Variants in TNS3 observed in about 807,000 individuals in gnomAD.
The protein encoded by TNS3 is tensin-3.
Under a neutral mutation model 140.9 loss-of-function variants are expected in TNS3, and 45 were observed. The ratio of observed to expected loss-of-function variants is 0.32; its 90% CI spans 0.25 to 0.41. The LOEUF (loss-of-function observed/expected upper bound fraction) is 0.41. Ranked by LOEUF, TNS3 falls within the 10% of genes least tolerant of loss-of-function variation. TNS3 has a pLI of 1.00. For synonymous variants in TNS3, 815 were observed against 788.4 expected (o/e 1.03, Z -0.56); for missense variants, 1,716 against 1,906.7 (o/e 0.90, Z 1.86).
intron 4 of TNS3, among the ~76,000 whole-genome samples, chr7:47,472,886 G>T (rs1314278743): frequency 6.6e-6 from 1 of 152,200 alleles, no homozygotes; most frequent in Non-Finnish European, 1.5e-5. Context: ...GCAGCTGGGA[G>T]ATGGGGGTGA....
intron 1 of TNS3, among the ~76,000 whole-genome samples, chr7:47,563,575 C>T (rs1238896480): frequency 2.0e-5 from 3 of 152,176 alleles, no homozygotes; most frequent in African/African-American, 7.2e-5. Flanking sequence ...AGGGTGTCAT[C>T]AAAGTCGACT....
At chr7:47,449,113 T>C (rs187377179) in intron 4 of TNS3, among the ~76,000 whole-genome samples, 38 of 152,358 alleles carry the variant, frequency 2.5e-4, no homozygotes, top group African/African-American at 8.9e-4. Context: ...AGTTAAACTG[T>C]ACAGAATCTC....
intron 4 of TNS3, among the ~76,000 whole-genome samples, chr7:47,455,047 C>T (rs1796190428): frequency 6.6e-6 from 1 of 152,200 alleles, no homozygotes; most frequent in South Asian, 2.1e-4. Context: ...CCTCAGGGCA[C>T]AGCACAGGCA....
intron 3 of TNS3, among the ~76,000 whole-genome samples, chr7:47,495,848 A>T (rs1797987985): frequency 1.3e-5 from 2 of 152,216 alleles, no homozygotes; most frequent in African/African-American, 4.8e-5. Flanking sequence ...GCAGCTCCCC[A>T]ACTGCAGCAC....
At chr7:47,383,317 C>T (rs955984156) in intron 16 of TNS3, among the ~76,000 whole-genome samples, 1 of 152,074 alleles carries the variant, frequency 6.6e-6, no homozygotes, top group South Asian at 2.1e-4. Context: ...TTGCACGACT[C>T]CAGTGAGTGA....
intron 20 of TNS3, among the ~76,000 whole-genome samples, chr7:47,330,293 T>G (rs1419404036): frequency 6.6e-6 from 1 of 152,112 alleles, no homozygotes; most frequent in African/African-American, 2.4e-5. Context: ...CCAGGTCTCC[T>G]CTCAGAAACA....
At chr7:47,345,380 A>G (rs1789274116) in intron 18 of TNS3, among the ~76,000 whole-genome samples, 1 of 152,248 alleles carries the variant, frequency 6.6e-6, no homozygotes, top group East Asian at 1.9e-4. Flanking sequence ...TGGATAAAAC[A>G]GTCCTTACCC....
At chr7:47,565,273 TTC>T (rs1321573299) in intron 1 of TNS3, among the ~76,000 whole-genome samples, 1 of 151,834 alleles carries the variant, frequency 6.6e-6, no homozygotes, top group Non-Finnish European at 1.5e-5. Context: ...GAGACGGGGT[TTC>T]ACTGTTAGCC....
chr7:47,480,316 T>C (rs1797368701), intron 4 of TNS3, among the ~76,000 whole-genome samples: 1 of 152,156 alleles, frequency 6.6e-6, no homozygotes, highest in African/African-American at 2.4e-5. Flanking sequence ...TGCACCTGTT[T>C]CCCTGCCCCA....
chr7:47,480,993 C>T, intron 4 of TNS3, 110 bp downstream of exon 4: 4 of 759,036 alleles, frequency 5.3e-6, no homozygotes, highest in Non-Finnish European at 7.7e-6. Context: ...AAAGGGAGGG[C>T]ATGGATCCTA....
chr7:47,364,903 A>G (rs115781582), intron 17 of TNS3, among the ~76,000 whole-genome samples: 2,219 of 152,308 alleles, frequency 0.015, 52 homozygotes, highest in African/African-American at 0.047. Flanking sequence ...ACTGGTAACC[A>G]GTTTTGCTTA....
At chr7:47,511,748 A>G (rs1359212944) in intron 2 of TNS3, among the ~76,000 whole-genome samples, 1 of 152,106 alleles carries the variant, frequency 6.6e-6, no homozygotes, top group African/African-American at 2.4e-5. Context: ...GAAGCAAGGG[A>G]AAATGCCTCA....
At chr7:47,285,674 A>G (rs577447151) in intron 27 of TNS3, among the ~76,000 whole-genome samples, 1 of 152,368 alleles carries the variant, frequency 6.6e-6, no homozygotes, top group South Asian at 2.1e-4. Context: ...TCAGGTGGAT[A>G]TGAAATGCCT....
chr7:47,399,812 A>G (rs929161099), intron 15 of TNS3, among the ~76,000 whole-genome samples: 1 of 152,248 alleles, frequency 6.6e-6, no homozygotes, highest in African/African-American at 2.4e-5. Flanking sequence ...CAACAGAACA[A>G]AAATAAGTAA....
chr7:47,572,924 T>A (rs547391283), intron 1 of TNS3, among the ~76,000 whole-genome samples: 16 of 152,064 alleles, frequency 1.1e-4, no homozygotes, highest in Non-Finnish European at 1.6e-4. Flanking sequence ...TCACTCAAAT[T>A]TTTCATCAGA....
chr7:47,513,787 G>A (rs538874029), intron 2 of TNS3, among the ~76,000 whole-genome samples: 1 of 152,334 alleles, frequency 6.6e-6, no homozygotes, highest in African/African-American at 2.4e-5. Flanking sequence ...GAGCTGGTGT[G>A]TGGCAGGCCC....
At chr7:47,344,377 G>C (rs1319050662) in intron 20 of TNS3, among the ~76,000 whole-genome samples, 12 of 123,816 alleles carry the variant, frequency 9.7e-5, no homozygotes, top group Non-Finnish European at 5.7e-5. Flanking sequence ...GAAGGCAGCT[G>C]GGGTGGCAGA....
intron 20 of TNS3, among the ~76,000 whole-genome samples, chr7:47,338,368 C>CTA (rs1384566159): frequency 6.6e-6 from 1 of 152,164 alleles, no homozygotes; most frequent in Non-Finnish European, 1.5e-5. Flanking sequence ...GATGTTGTCA[C>CTA]TATTTTTTAT....
At chr7:47,374,652 C>T (rs1016502164) in intron 16 of TNS3, among the ~76,000 whole-genome samples, 2 of 152,314 alleles carry the variant, frequency 1.3e-5, no homozygotes, top group East Asian at 3.9e-4. Context: ...CAATGAGAAA[C>T]CAAACAGGAG....
Sources: gnomAD v4.1 joint callset for allele counts (sites outside exome capture counted in the v4.1 genomes callset) on GRCh38, gnomAD v4.1.1 for gene constraint, MANE v1.5 for transcripts, NCBI Gene and HGNC (gene_info 2026-07-23, HGNC 2026-07-21) for gene names.